Variants in M1AP observed in about 807,000 individuals in gnomAD.
The protein encoded by M1AP is meiosis 1 associated protein.
In M1AP, 39 loss-of-function variants were observed where a neutral mutation model predicts 51.2. The observed-to-expected ratio is 0.76, with a 90% CI of 0.59 to 1.00. M1AP has a LOEUF of 1.00. Ranked by LOEUF, M1AP falls within the 50% of genes least tolerant of loss-of-function variation. The probability of loss-of-function intolerance (pLI) is 0.00; values close to 1 mark genes in which losing one functional copy is unlikely to be tolerated. For synonymous variants in M1AP, 251 were observed against 249.2 expected (o/e 1.01, Z -0.07); for missense variants, 545 against 641.2 (o/e 0.85, Z 1.62).
intron 7 of M1AP, among the ~76,000 whole-genome samples, chr2:74,574,451 C>T (rs898953273): frequency 2.6e-5 from 4 of 152,188 alleles, no homozygotes; most frequent in African/African-American, 9.7e-5. Flanking sequence ...AAATATTTCT[C>T]TAATTGGTTT....
At chr2:74,563,493 G>A (rs554240621) in intron 7 of M1AP, among the ~76,000 whole-genome samples, 1 of 152,112 alleles carries the variant, frequency 6.6e-6, no homozygotes, top group African/African-American at 2.4e-5. Context: ...GAGCTACTTG[G>A]GAGGCTGAGA....
chr2:74,578,431 C>T (rs550493090), intron 5 of M1AP, among the ~76,000 whole-genome samples: 55 of 152,212 alleles, frequency 3.6e-4, no homozygotes, highest in African/African-American at 1.2e-3. Context: ...TGACAGGCCC[C>T]GGTGTATGAT....
chr2:74,576,582 C>A lies in M1AP; in HGVS notation c.806G>T (p.Cys269Phe). The A allele has an allele frequency of 6.2e-7, 1 of 1,614,046 alleles. No individual in the cohort carries two copies. Among genetic ancestry groups the A allele is most frequent in the Admixed American group, 1.7e-5 (1 of 60,008 alleles). The stretch of plus-strand genomic sequence containing the variant: ...AGCTGTGCCAGCGAGTAGGGATGGG[C>A]AGAGCAGTCGCTCTTGGAGATCACA... ...LKCDLQERLL[C>F]PSLLAGTADG... The change falls in exon 6 of 11, where the codon TGC (cysteine) becomes TTC (phenylalanine). Residue 269 changes from cysteine (C) to phenylalanine (F), a missense_variant. By Grantham distance (205) the Cys-to-Phe change is radical. Coordinates refer to ENST00000421985, the MANE Select transcript of M1AP (RefSeq NM_001321739.2).
chr2:74,640,340 A>C lies in M1AP; in HGVS notation c.-52-13T>G, dbSNP rs1311836881. On this transcript the variant is annotated splice_polypyrimidine_tract_variant and intron_variant, in intron 1 of 10. Coordinates refer to ENST00000421985, the MANE Select transcript of M1AP (RefSeq NM_001321739.2). ...ATATTCTTTACACCTATAGGGAAGG[A>C]AAGAGAAACCACTGGTTTTCAAACT... The C allele has an allele frequency of 6.4e-7, 1 of 1,570,116 alleles. No homozygotes were observed. The highest frequency in any genetic ancestry group is 8.6e-7 in the Non-Finnish European group (1 of 1,160,906).
chr2:74,610,629 T>C (rs566916300), intron 3 of M1AP, among the ~76,000 whole-genome samples: 17 of 152,202 alleles, frequency 1.1e-4, no homozygotes, highest in Non-Finnish European at 2.2e-4. Flanking sequence ...TTCCAAAAAG[T>C]TTTTTTCGTA....
At chr2:74,626,363 C>T (rs1427794011) in intron 2 of M1AP, among the ~76,000 whole-genome samples, 6 of 151,082 alleles carry the variant, frequency 4.0e-5, no homozygotes, top group South Asian at 2.1e-4. Context: ...GGGATCCCCT[C>T]GCCTCAGCCA....
rs141012627 is a variant in M1AP at position 74,560,311 on chromosome 2, G to A, written c.1282-20C>T. The stretch of plus-strand genomic sequence containing the variant: ...CATGCTCTGAGGAAAAGAGAGGAGG[G>A]GCCTCACTAGGGAACTTAAGATCAC... On this transcript the variant is annotated intron_variant, in intron 8 of 10. Coordinates refer to ENST00000421985, the MANE Select transcript of M1AP (RefSeq NM_001321739.2). The A allele has an allele frequency of 9.9e-5, 155 of 1,565,914 alleles. 1 individual carries two copies. The highest frequency in any genetic ancestry group is 3.9e-4 in the South Asian group (33 of 83,760).
intron 8 of M1AP, among the ~76,000 whole-genome samples, chr2:74,560,896 C>T (rs908797364): frequency 2.0e-5 from 3 of 152,174 alleles, no homozygotes; most frequent in African/African-American, 7.2e-5. Flanking sequence ...CAGGCCTTGT[C>T]CTTGCTGCAT....
rs376956952 is a variant in M1AP at position 74,560,198 on chromosome 2, G to T, written c.1375C>A (p.Pro459Thr). 5.0e-6 allele frequency: 8 copies of T among 1,614,028 alleles called. No individual in the cohort carries two copies. The South Asian group carries it at 7.7e-5, about 16-fold the overall frequency. The change falls in exon 9 of 11, where the codon CCT becomes ACT. Residue 459 changes from proline to threonine, a missense_variant. Coordinates refer to ENST00000421985, the MANE Select transcript of M1AP (RefSeq NM_001321739.2). ...CAGTGTGGGTGGAGCCGCCCCTGAG[G>T]CTTGGCATAGATGCTGCTCAGGTGT... ...YSHLSSIYAK[P>T]QGRLHPHWES...
intron 2 of M1AP, among the ~76,000 whole-genome samples, chr2:74,632,429 C>T (rs1459969227): frequency 1.3e-5 from 2 of 152,200 alleles, no homozygotes; most frequent in Non-Finnish European, 2.9e-5. Context: ...GTCAAGACCT[C>T]CTTGTGGCGG....
chr2:74,620,654 G>C (rs1681952028), intron 2 of M1AP: 1 of 214,540 alleles, frequency 4.7e-6, no homozygotes, highest in Admixed American at 4.2e-5. Flanking sequence ...AATGGCCTGT[G>C]AACAAGATAA....
chr2:74,615,347 G>T, intron 2 of M1AP, 198 bp from the exon 3 acceptor site: 1 of 558,494 alleles, frequency 1.8e-6, no homozygotes, highest in Non-Finnish European at 3.2e-6. Context: ...AGGAAAATTT[G>T]CAGCCATAAA....
chr2:74,607,247 T>A (rs1475838451), intron 3 of M1AP, 24 bp from the exon 4 acceptor site: 1 of 1,610,808 alleles, frequency 6.2e-7, no homozygotes, highest in South Asian at 1.1e-5. Context: ...CAAGAATCAA[T>A]GTGTCTATTC....
Position 74,576,591 on chromosome 2 carries a change from C to G in M1AP, c.797G>C (p.Arg266Pro). 1.2e-6 allele frequency: 2 copies of G among 1,614,068 alleles called. No homozygotes were observed. The highest frequency in any genetic ancestry group is 1.7e-6 in the Non-Finnish European group (2 of 1,179,970). The change falls in exon 6 of 11, where the codon CGA (arginine) becomes CCA (proline). Residue 266 changes from arginine (R) to proline (P), a missense_variant. Physicochemically the swap from Arg to Pro is moderately radical, Grantham distance 103. Coordinates refer to ENST00000421985, the MANE Select transcript of M1AP (RefSeq NM_001321739.2). ...AGCGAGTAGGGATGGGCAGAGCAGT[C>G]GCTCTTGGAGATCACATTTCAGACA... ...PMCLKCDLQE[R>P]LLCPSLLAGT...
chr2:74,607,302 G>T, intron 3 of M1AP, 79 bp from the exon 4 acceptor site: 1 of 1,395,554 alleles, frequency 7.2e-7, no homozygotes, highest in Non-Finnish European at 1.0e-6. Context: ...CTACCCGGAG[G>T]ATAAATACAG....
intron 2 of M1AP, chr2:74,628,770 C>T (rs1682542406): frequency 3.9e-6 from 2 of 517,612 alleles, no homozygotes; most frequent in Non-Finnish European, 7.7e-6. Flanking sequence ...AAAGCTGCTG[C>T]TGAGTAACTC....
intron 3 of M1AP, among the ~76,000 whole-genome samples, chr2:74,609,332 A>G (rs1681197057): frequency 6.6e-6 from 1 of 152,172 alleles, no homozygotes; most frequent in South Asian, 2.1e-4. Context: ...TGCCTGGCTT[A>G]TTTCACTTAA....
chr2:74,602,709 C>G (rs776327003), intron 4 of M1AP, among the ~76,000 whole-genome samples: 19 of 152,096 alleles, frequency 1.2e-4, no homozygotes, highest in Non-Finnish European at 2.5e-4. Context: ...AAAGCACAGG[C>G]AAACTAGGAA....
At chr2:74,604,333 G>C (rs1057500835) in intron 4 of M1AP, among the ~76,000 whole-genome samples, 1 of 152,148 alleles carries the variant, frequency 6.6e-6, no homozygotes, top group South Asian at 2.1e-4. Flanking sequence ...TTCCAAGCCA[G>C]TGGTCCCCAA....
Sources: gnomAD v4.1 joint callset for allele counts (sites outside exome capture counted in the v4.1 genomes callset) on GRCh38, gnomAD v4.1.1 for gene constraint, MANE v1.5 for transcripts, NCBI Gene and HGNC (gene_info 2026-07-23, HGNC 2026-07-21) for gene names.